The following NEGR1 variants were observed in gnomAD, a reference collection of about 807,000 sequenced individuals.
The protein encoded by NEGR1 is IgLON family member 4.
NEGR1 carries 10 observed loss-of-function variants against 40.9 expected under a neutral mutation model. The ratio of observed to expected loss-of-function variants is 0.24; its 90% CI spans 0.15 to 0.42. The LOEUF is 0.42. Ranked by LOEUF, NEGR1 falls within the 10% of genes least tolerant of loss-of-function variation. The pLI is 1.00. For missense variants in NEGR1, 352 were observed against 438.9 expected (o/e 0.80, Z 1.77); for synonymous variants, 185 against 166.8 (o/e 1.11, Z -0.84).
chr1:71,712,045 A>G (rs1178018376), intron 3 of NEGR1, among the ~76,000 whole-genome samples: 1 of 152,152 alleles, frequency 6.6e-6, no homozygotes, highest in Non-Finnish European at 1.5e-5. Context: ...GTATTGAAGG[A>G]TAGCTGAGGG....
At chr1:72,012,599 T>A (rs1004749389) in intron 1 of NEGR1, among the ~76,000 whole-genome samples, 4 of 152,024 alleles carry the variant, frequency 2.6e-5, no homozygotes, top group Admixed American at 2.0e-4. Flanking sequence ...ATTTTTTATA[T>A]GCATAAATGG....
At chr1:71,474,751 A>G (rs1313768291) in intron 6 of NEGR1, among the ~76,000 whole-genome samples, 2 of 150,298 alleles carry the variant, frequency 1.3e-5, no homozygotes, top group African/African-American at 2.4e-5. Flanking sequence ...AAAAAACAAA[A>G]CCAGAATAAA....
Position 71,915,620 on chromosome 1 carries a change from G to A in NEGR1, c.409+19459C>T, listed in dbSNP as rs544939055. ...CTCCACAAAACTTCCCATAGACTAA[G>A]GGTCTCAAACTTGGGTTAATATAGC... On this transcript the variant is annotated intron_variant, in intron 2 of 6. Coordinates refer to ENST00000357731, the MANE Select transcript of NEGR1 (RefSeq NM_173808.3). Among the ~76,000 whole-genome samples the A allele has an allele frequency of 7.2e-5, 11 of 152,152 alleles. No homozygotes were observed. In the South Asian group the frequency reaches 1.9e-3, roughly 26 times the overall value.
intron 1 of NEGR1, among the ~76,000 whole-genome samples, chr1:72,267,987 G>GA (rs951768670): frequency 1.7e-4 from 26 of 149,368 alleles, no homozygotes; most frequent in South Asian, 1.5e-3. Context: ...ATCCCAGATG[G>GA]AAAAAAAAAT....
chr1:72,168,002 A>ATT lies in NEGR1; in HGVS notation c.176+114315_176+114316dup, dbSNP rs1165398837. 5.5e-3 allele frequency among the ~76,000 whole-genome samples: 66 copies of ATT among 12,022 alleles called. No homozygotes were observed. In the Middle Eastern group the frequency reaches 0.3, roughly 55 times the overall value. 7.9% of individuals were successfully genotyped at this position (12,022 alleles called of 152,430 possible). On this transcript the variant is annotated intron_variant, in intron 1 of 6. Coordinates refer to ENST00000357731, the MANE Select transcript of NEGR1 (RefSeq NM_173808.3). ...TTAATAAGGTAGTTATATTATTATT[A>ATT]TTATTTTTTTTTTTTTTTCTGAGAC...
At chr1:71,866,557 A>T (rs1487994253) in intron 2 of NEGR1, among the ~76,000 whole-genome samples, 4 of 152,232 alleles carry the variant, frequency 2.6e-5, no homozygotes, top group Non-Finnish European at 5.9e-5. Context: ...TTCACATTTT[A>T]ATTAAAATGA....
At chr1:71,552,562 T>C (rs1243537706) in intron 6 of NEGR1, among the ~76,000 whole-genome samples, 1 of 148,158 alleles carries the variant, frequency 6.7e-6, no homozygotes, top group Non-Finnish European at 1.5e-5. Context: ...ATAGGATATA[T>C]TCTATATATT....
At chr1:71,853,451 T>C (rs1254282826) in intron 2 of NEGR1, among the ~76,000 whole-genome samples, 1 of 152,106 alleles carries the variant, frequency 6.6e-6, no homozygotes, top group Non-Finnish European at 1.5e-5. Context: ...TATATGTTAG[T>C]GTTGATATTT....
At chr1:72,014,786 C>T (rs1457647197) in intron 1 of NEGR1, among the ~76,000 whole-genome samples, 3 of 151,956 alleles carry the variant, frequency 2.0e-5, no homozygotes, top group Admixed American at 6.6e-5. Context: ...CTAATATCTC[C>T]TCATTAAACC....
intron 6 of NEGR1, among the ~76,000 whole-genome samples, chr1:71,542,802 GA>G (rs1647759931): frequency 6.6e-6 from 1 of 151,664 alleles, no homozygotes; most frequent in Admixed American, 6.6e-5. Flanking sequence ...ATAACTCCAT[GA>G]TGCAATGAGA....
At chr1:71,509,992 C>T (rs565429307) in intron 6 of NEGR1, among the ~76,000 whole-genome samples, 57 of 152,304 alleles carry the variant, frequency 3.7e-4, no homozygotes, top group African/African-American at 1.3e-3. Context: ...CTCAACAATA[C>T]TGCCCCAGAT....
chr1:72,184,344 A>C (rs1055555902), intron 1 of NEGR1, among the ~76,000 whole-genome samples: 1 of 152,106 alleles, frequency 6.6e-6, no homozygotes, highest in East Asian at 1.9e-4. Context: ...TAGGCAGCAG[A>C]AAGACATTTC....
In NEGR1 at chr1:71,597,472, C is replaced by CTCTGTGTGTGTGTGTG. The variant is rs756076229; in HGVS notation, c.789-4505_789-4504insCACACACACACACAGA. 8.3e-3 allele frequency among the ~76,000 whole-genome samples: 260 copies of CTCTGTGTGTGTGTGTG among 31,332 alleles called. 8 individuals carry two copies. The highest frequency in any genetic ancestry group is 0.076 in the East Asian group (78 of 1,026). The allele number at this position is 31,332 out of a possible 152,430, so 20.6% of individuals were successfully genotyped here. On this transcript the variant is annotated intron_variant, in intron 5 of 6. Coordinates refer to ENST00000357731, the MANE Select transcript of NEGR1 (RefSeq NM_173808.3). ...TCTCTCTCTCTCTCTCTCTCTCTCTCTGTGTGTGTGTGTGTGTGTGTGTGT... is the reference window on the plus strand; with the variant it reads ...TCTCTCTCTCTCTCTCTCTCTCTCTCTCTGTGTGTGTGTGTGTGTGTGTGTGTGTGTGTGTGTGTGT...
At chr1:71,830,459 TA>T (rs903257180) in intron 2 of NEGR1, among the ~76,000 whole-genome samples, 1 of 150,822 alleles carries the variant, frequency 6.6e-6, no homozygotes, top group African/African-American at 2.4e-5. Context: ...AAATTTTAAT[TA>T]AAAAAAAATA....
chr1:72,260,331 A>G (rs1308727444), intron 1 of NEGR1, among the ~76,000 whole-genome samples: 2 of 152,100 alleles, frequency 1.3e-5, no homozygotes, highest in Non-Finnish European at 2.9e-5. Flanking sequence ...CAATTTTTAC[A>G]AAGGATATTT....
chr1:71,771,823 G>T (rs768161189), intron 3 of NEGR1, among the ~76,000 whole-genome samples: 1 of 150,920 alleles, frequency 6.6e-6, no homozygotes, highest in Non-Finnish European at 1.5e-5. Flanking sequence ...ACTAGTAAAA[G>T]CAGAAGGACT....
At chr1:71,951,373 C>A (rs527582087) in intron 1 of NEGR1, among the ~76,000 whole-genome samples, 77 of 151,948 alleles carry the variant, frequency 5.1e-4, no homozygotes, top group African/African-American at 1.7e-3. Context: ...ACAGGCAAAT[C>A]ATAACTATTA....
chr1:72,269,678 G>A (rs1290225895), intron 1 of NEGR1, among the ~76,000 whole-genome samples: 2 of 151,628 alleles, frequency 1.3e-5, no homozygotes, highest in African/African-American at 2.4e-5. Context: ...TCTAAGTGAT[G>A]TTCAATAGCT....
chr1:71,475,200 T>C (rs1446207525), intron 6 of NEGR1, among the ~76,000 whole-genome samples: 1 of 152,094 alleles, frequency 6.6e-6, no homozygotes, highest in African/African-American at 2.4e-5. Context: ...ATATGCATTT[T>C]ACTATATTAT....
Sources: allele counts gnomAD v4.1 joint callset (sites outside exome capture counted in the v4.1 genomes callset), GRCh38; gene constraint gnomAD v4.1.1; transcripts MANE v1.5; gene names NCBI Gene and HGNC (gene_info 2026-07-23, HGNC 2026-07-21).